GRTP1: variants seen among roughly 807,000 people sequenced by gnomAD.
GRTP1 encodes the protein growth hormone regulated TBC protein 1.
Under a neutral mutation model 38.1 loss-of-function variants are expected in GRTP1, and 56 were observed. That is an observed-to-expected ratio of 1.47 (90% CI 1.19 to 1.84). GRTP1 has a LOEUF of 1.84. Among genes scored for constraint, GRTP1 ranks in the 40% most tolerant of loss-of-function variants. The pLI is 0.00. For synonymous variants in GRTP1, 217 were observed against 189.5 expected (o/e 1.14, Z -1.19); for missense variants, 506 against 453.9 (o/e 1.11, Z -1.04).
intron 5 of GRTP1, among the ~76,000 whole-genome samples, chr13:113,341,976 C>T (rs776331610): frequency 2.6e-5 from 4 of 151,898 alleles, no homozygotes; most frequent in Non-Finnish European, 5.9e-5. Flanking sequence ...GATGGAGTCT[C>T]GCTCCGTCTT....
intron 3 of GRTP1, among the ~76,000 whole-genome samples, chr13:113,353,525 G>T (rs974988970): frequency 1.3e-5 from 2 of 152,230 alleles, no homozygotes; most frequent in Non-Finnish European, 2.9e-5. Context: ...CAGCCCACGG[G>T]ACTCCTCTTA....
rs2042759833 is a variant in GRTP1, at chr13:113,325,963, A to T, written c.691T>A (p.Ser231Thr). The change falls in exon 6 of 8, where the codon TCC becomes ACC. Residue 231 changes from serine (S) to threonine (T), a missense_variant. Coordinates refer to ENST00000375431, the MANE Select transcript of GRTP1 (RefSeq NM_024719.4). ...RLGVLWTLLV[S>T]RWFICLFVDI... ...ACAAACAGGCAGATGAACCAGCGGG[A>T]CACCAGCAGCGTCCACAGCACACCG... is the stretch of plus-strand genomic sequence containing the variant. 1 of 1,613,720 alleles carries T rather than the reference A, an allele frequency of 6.2e-7. No individual in the cohort carries two copies. The highest frequency in any genetic ancestry group is 8.5e-7 in the Non-Finnish European group (1 of 1,179,910).
chr13:113,328,551 A>C (rs1191457451), intron 5 of GRTP1, among the ~76,000 whole-genome samples: 3 of 152,112 alleles, frequency 2.0e-5, no homozygotes, highest in Non-Finnish European at 4.4e-5. Context: ...ACAGGGTCTC[A>C]CTCTGTCGCC....
intron 3 of GRTP1, among the ~76,000 whole-genome samples, chr13:113,352,784 G>C (rs1225093583): frequency 1.3e-5 from 2 of 152,220 alleles, no homozygotes; most frequent in Non-Finnish European, 2.9e-5. Context: ...CCTGGCATTG[G>C]CTCTGTGGGA....
At chr13:113,354,678 G>A (rs371645862) in intron 3 of GRTP1, among the ~76,000 whole-genome samples, 6 of 152,024 alleles carry the variant, frequency 3.9e-5, no homozygotes, top group African/African-American at 7.2e-5. Context: ...ACAGGCATGC[G>A]CCACCACGCC....
intron 3 of GRTP1, chr13:113,355,022 C>T (rs1425787675): frequency 1.4e-5 from 4 of 295,014 alleles, no homozygotes; most frequent in Non-Finnish European, 1.3e-5. Flanking sequence ...CGGTGCGAAG[C>T]GCACCGGCAA....
In GRTP1 at chr13:113,349,841, C is replaced by T. The variant is rs1320864581; in HGVS notation, c.465+1008G>A. 6.6e-6 allele frequency among the ~76,000 whole-genome samples: 1 copy of T among 152,148 alleles called. No homozygotes were observed. The highest frequency in any genetic ancestry group is 1.9e-4 in the East Asian group (1 of 5,192). On this transcript the variant is annotated intron_variant, in intron 4 of 7. Coordinates refer to ENST00000375431, the MANE Select transcript of GRTP1 (RefSeq NM_024719.4). The surrounding 1 kb of genome is among the most constrained non-coding windows in gnomAD (Gnocchi z 5.0). ...TTGGTGCACGCCTGGCTCCCGGCTCCTACAGGAAGTTTCTGGGGGCATCAC... is the reference window on the plus strand; with the variant it reads ...TTGGTGCACGCCTGGCTCCCGGCTCTTACAGGAAGTTTCTGGGGGCATCAC...
chr13:113,344,158 A>G (rs982396283), intron 5 of GRTP1, among the ~76,000 whole-genome samples: 5 of 152,276 alleles, frequency 3.3e-5, no homozygotes, highest in African/African-American at 1.2e-4. Flanking sequence ...TCACAAACTC[A>G]GTACAAATAC....
chr13:113,344,622 A>G (rs1167982640), intron 5 of GRTP1, among the ~76,000 whole-genome samples: 1 of 149,434 alleles, frequency 6.7e-6, no homozygotes, highest in East Asian at 2.0e-4. Context: ...CTGAGGCAGG[A>G]GAATCACTTG....
chr13:113,327,142 C>T (rs984737449), intron 5 of GRTP1, among the ~76,000 whole-genome samples: 3 of 152,200 alleles, frequency 2.0e-5, no homozygotes, highest in South Asian at 4.1e-4. Flanking sequence ...TTTGTGTTTA[C>T]CTACGTAATT....
chr13:113,346,587 GACCCGGGAGGACCTCTGTGCCTGAC>G, intron 4 of GRTP1, among the ~76,000 whole-genome samples: 1 of 14,348 alleles, frequency 7.0e-5, no homozygotes, highest in African/African-American at 7.9e-5. Context: ...GCCGAGAACA[GACCCGGGAGGACCTCTGTGCCTGAC>G]AGTGGACCCG....
rs779773420 is a variant in GRTP1, at chr13:113,325,906, G to A, written c.735+13C>T. The A allele has an allele frequency of 4.3e-6, 7 of 1,613,956 alleles. No homozygotes were observed. In the Admixed American group the frequency reaches 5.0e-5, roughly 12 times the overall value. ...GCGGCCCGCCCGCCCCAGGGCCCGA[G>A]TGAGGCGCTCACCTCCACGGGCAAG... is the stretch of plus-strand genomic sequence containing the variant. On this transcript the variant is annotated intron_variant, in intron 6 of 7. Coordinates refer to ENST00000375431, the MANE Select transcript of GRTP1 (RefSeq NM_024719.4).
At chr13:113,338,739 A>G (rs937665202) in intron 5 of GRTP1, among the ~76,000 whole-genome samples, 1 of 152,118 alleles carries the variant, frequency 6.6e-6, no homozygotes, top group Non-Finnish European at 1.5e-5. Context: ...CGGTGGCTGC[A>G]GAAGGCTCCA....
chr13:113,352,150 G>C (rs1288313637), intron 3 of GRTP1, among the ~76,000 whole-genome samples: 3 of 148,834 alleles, frequency 2.0e-5, no homozygotes, highest in Non-Finnish European at 3.0e-5. Context: ...CAGTCAAGGG[G>C]AAGTTAGTAT....
intron 4 of GRTP1, among the ~76,000 whole-genome samples, chr13:113,350,113 T>C (rs2043234137): frequency 6.6e-6 from 1 of 152,086 alleles, no homozygotes; most frequent in Non-Finnish European, 1.5e-5. Context: ...ATGCCTGCCC[T>C]GCCCTCGGCG....
chr13:113,330,519 T>C (rs1236849432), intron 5 of GRTP1, among the ~76,000 whole-genome samples: 2 of 137,004 alleles, frequency 1.5e-5, no homozygotes, highest in Non-Finnish European at 3.1e-5. Context: ...AGCCCAGGTG[T>C]GTGCATGGAA....
rs2043174030 is a variant in GRTP1 at position 113,347,483 on chromosome 13, T to TCTGTGGCTGAGCGGATCC, written c.466-2525_466-2524insGGATCCGCTCAGCCACAG. On this transcript the variant is annotated intron_variant, in intron 4 of 7. Coordinates refer to ENST00000375431, the MANE Select transcript of GRTP1 (RefSeq NM_024719.4). Reference sequence around the variant, plus strand: ...GGATCTCTGTGGCCGAGAGCAGACCTGGGAGGACCTCTGTGGCCGAGAGCG... The same window carrying TCTGTGGCTGAGCGGATCC: ...GGATCTCTGTGGCCGAGAGCAGACCTCTGTGGCTGAGCGGATCCGGGAGGACCTCTGTGGCCGAGAGCG... Among the ~76,000 whole-genome samples the TCTGTGGCTGAGCGGATCC allele has an allele frequency of 9.8e-5, 2 of 20,342 alleles. 1 individual carries two copies. The highest frequency in any genetic ancestry group is 2.1e-4 in the Non-Finnish European group (2 of 9,674). The allele number at this position is 20,342 out of a possible 152,430, so 13.3% of individuals were successfully genotyped here.
chr13:113,325,600 C>CGG, intron 7 of GRTP1, 61 bp downstream of exon 7: 1 of 1,612,060 alleles, frequency 6.2e-7, no homozygotes, highest in East Asian at 2.2e-5. Flanking sequence ...GAGCAGCCCC[C>CGG]GGGCTGCAGG....
intron 4 of GRTP1, among the ~76,000 whole-genome samples, chr13:113,346,610 GAC>G (rs1219263069): frequency 2.7e-4 from 3 of 11,240 alleles, no homozygotes; most frequent in African/African-American, 3.1e-4. Context: ...CTCTGTGCCT[GAC>G]AGTGGACCCG....
Sources: allele counts gnomAD v4.1 joint callset (sites outside exome capture counted in the v4.1 genomes callset), GRCh38; gene constraint gnomAD v4.1.1; non-coding constraint Gnocchi (gnomAD v3.1); transcripts MANE v1.5; gene names NCBI Gene and HGNC (gene_info 2026-07-23, HGNC 2026-07-21).